COL4A1: variants seen among roughly 807,000 people sequenced by gnomAD.
The protein encoded by COL4A1 is collagen type IV alpha 1 chain.
In COL4A1, 40 loss-of-function variants were observed where a neutral mutation model predicts 216.6. The observed-to-expected ratio is 0.18, with a 90% CI of 0.14 to 0.24. The LOEUF is 0.24. Among genes scored for constraint, COL4A1 ranks in the 10% least tolerant of loss-of-function variants. The probability of loss-of-function intolerance (pLI) is 1.00; values close to 1 mark genes in which losing one functional copy is unlikely to be tolerated. For synonymous variants in COL4A1, 839 were observed against 810.7 expected (o/e 1.03, Z -0.59); for missense variants, 1,628 against 2,196.8 (o/e 0.74, Z 5.18).
chr13:110,229,803 G>A (rs903976557), intron 2 of COL4A1, among the ~76,000 whole-genome samples: 8 of 152,206 alleles, frequency 5.3e-5, no homozygotes, highest in Admixed American at 4.6e-4. Flanking sequence ...CCAGTCTGTG[G>A]TATCCTATTA....
chr13:110,245,523 T>C lies in COL4A1; in HGVS notation c.85-2789A>G, dbSNP rs534753783. ...TGTGGATTTTCGACTTGTGAGTCAA[T>C]TGCTGCTTTCTGGGAAAGAGCAGAT... On this transcript the variant is annotated intron_variant, in intron 1 of 51. Transcript: ENST00000375820. Among the ~76,000 whole-genome samples the C allele has an allele frequency of 3.5e-3, 536 of 152,296 alleles. 4 individuals carry two copies. Among genetic ancestry groups the C allele is most frequent in the African/African-American group, 0.012 (514 of 41,564 alleles).
intron 40 of COL4A1, among the ~76,000 whole-genome samples, chr13:110,173,214 A>G (rs1188770673): frequency 6.6e-6 from 1 of 152,164 alleles, no homozygotes; most frequent in Non-Finnish European, 1.5e-5. Flanking sequence ...AAAGGAGTGC[A>G]GGGGTATTTT....
chr13:110,272,082 G>C (rs1883264374), intron 1 of COL4A1, among the ~76,000 whole-genome samples: 1 of 152,148 alleles, frequency 6.6e-6, no homozygotes, highest in Non-Finnish European at 1.5e-5. Flanking sequence ...AATTAGGCCA[G>C]AAATTTCTGG....
chr13:110,230,297 T>C (rs1352353723), intron 2 of COL4A1, among the ~76,000 whole-genome samples: 1 of 151,870 alleles, frequency 6.6e-6, no homozygotes, highest in Non-Finnish European at 1.5e-5. Context: ...TATGTATGTG[T>C]GTGGTGTGTG....
At position 110,209,424 on chromosome 13, in the gene COL4A1, G is replaced by C. The variant is rs181845921; in HGVS notation, c.619C>G (p.Pro207Ala). ...GPPGFTGPPG[P>A]PGPPGPPGEK... ...CCTGGAGGGCCGGGAGGGCCTGGGG[G>C]ACCCTGGGAGAGACAGCATTTTAAT... The change falls in exon 11 of 52, where the codon CCC (proline) becomes GCC (alanine). Residue 207 changes from proline to alanine, a missense_variant. By Grantham distance (27) the Pro-to-Ala change is conservative. Coordinates refer to ENST00000375820, the MANE Select transcript of COL4A1 (RefSeq NM_001845.6). 6.2e-7 allele frequency: 1 copy of C among 1,604,466 alleles called. No individual in the cohort carries two copies. Among genetic ancestry groups the C allele is most frequent in the East Asian group, 2.2e-5 (1 of 44,844 alleles).
chr13:110,244,493 A>G (rs1345797792), intron 1 of COL4A1, among the ~76,000 whole-genome samples: 1 of 152,184 alleles, frequency 6.6e-6, no homozygotes, highest in African/African-American at 2.4e-5. Context: ...AGAGGCATCC[A>G]AAGAGATGAG....
intron 4 of COL4A1, among the ~76,000 whole-genome samples, 182 bp downstream of exon 4, chr13:110,213,600 G>C (rs1476318306): frequency 1.3e-5 from 2 of 152,186 alleles, no homozygotes; most frequent in Admixed American, 1.3e-4. Context: ...GGAAGGACTG[G>C]GGCTCAGGGA....
intron 29 of COL4A1, among the ~76,000 whole-genome samples, chr13:110,179,640 A>G (rs747783834): frequency 2.6e-5 from 4 of 152,046 alleles, no homozygotes; most frequent in Non-Finnish European, 4.4e-5. Context: ...CATTGTTTTC[A>G]TTTTACAAAG....
At chr13:110,172,140 C>T (rs1877673572) in intron 41 of COL4A1, among the ~76,000 whole-genome samples, 1 of 152,234 alleles carries the variant, frequency 6.6e-6, no homozygotes, top group South Asian at 2.1e-4. Context: ...CCCATGGATG[C>T]TGTGTGTGAG....
intron 1 of COL4A1, among the ~76,000 whole-genome samples, chr13:110,248,690 C>T (rs1406980282): frequency 1.3e-5 from 2 of 152,166 alleles, no homozygotes; most frequent in Non-Finnish European, 2.9e-5. Flanking sequence ...GATGGGATTT[C>T]GCCATGTTGG....
At position 110,203,557 on chromosome 13, in the gene COL4A1, C is replaced by A; in HGVS notation, c.999+9G>T. 1 of 1,613,812 alleles carries A rather than the reference C, an allele frequency of 6.2e-7. No homozygotes were observed. The highest frequency in any genetic ancestry group is 8.5e-7 in the Non-Finnish European group (1 of 1,180,018). On this transcript the variant is annotated intron_variant, in intron 18 of 51. Coordinates refer to ENST00000375820, the MANE Select transcript of COL4A1 (RefSeq NM_001845.6). ...CTCTCACAGACCCAGGGACAGCACT[C>A]TTACTCACAATTCCAGGTGGGCCAG...
At chr13:110,167,311 G>A in intron 43 of COL4A1, 81 bp from the exon 44 acceptor site, 1 of 1,036,378 alleles carries the variant, frequency 9.6e-7, no homozygotes, top group Non-Finnish European at 1.5e-6. Context: ...TTGGAAAATG[G>A]AAACAGCCCC....
chr13:110,260,899 C>T (rs1171892058), intron 1 of COL4A1, among the ~76,000 whole-genome samples: 10 of 151,804 alleles, frequency 6.6e-5, no homozygotes, highest in South Asian at 4.2e-4. Flanking sequence ...TAGCTGGGTG[C>T]GGTGGAGGGC....
intron 2 of COL4A1, among the ~76,000 whole-genome samples, chr13:110,222,797 A>AAAAAAATAC (rs1880565935): frequency 6.7e-6 from 1 of 149,754 alleles, no homozygotes; most frequent in East Asian, 2.0e-4. Flanking sequence ...AAAAAAAAAA[A>AAAAAAATAC]AGAATTAAGG....
chr13:110,236,522 AAGATGC>A (rs1240506655), intron 2 of COL4A1, among the ~76,000 whole-genome samples: 1 of 152,210 alleles, frequency 6.6e-6, no homozygotes, highest in African/African-American at 2.4e-5. Flanking sequence ...AAGGGAAAAG[AAGATGC>A]CTCTTCCAGA....
intron 1 of COL4A1, among the ~76,000 whole-genome samples, chr13:110,257,190 C>A (rs1311437568): frequency 1.3e-5 from 2 of 152,186 alleles, no homozygotes; most frequent in Non-Finnish European, 2.9e-5. Flanking sequence ...ATCTTTAAAA[C>A]CAGGTTTGAA....
intron 46 of COL4A1, 105 bp downstream of exon 46, chr13:110,164,757 T>C: frequency 6.7e-7 from 1 of 1,493,478 alleles, no homozygotes. Flanking sequence ...TGTGTGTGTA[T>C]AATCATTACC....
chr13:110,238,173 T>C (rs1473347461), intron 2 of COL4A1, among the ~76,000 whole-genome samples: 2 of 152,236 alleles, frequency 1.3e-5, no homozygotes, highest in Non-Finnish European at 2.9e-5. Flanking sequence ...CTTCTCTATA[T>C]CTTTGCTGAG....
Position 110,163,497 on chromosome 13 carries a change from G to A in COL4A1, c.4215C>T (p.Gly1405=). The change falls in exon 47 of 52, where the codon GGC becomes GGT. Residue 1405 remains glycine (G), a synonymous_variant. Coordinates refer to ENST00000375820, the MANE Select transcript of COL4A1 (RefSeq NM_001845.6). ...PGIPGFDGAP[G]QKGEMGPAGP... Reference sequence around the variant, plus strand: ...CGGCAGGTCCCATCTCTCCTTTCTGGCCAGGGGCACCGTCAAACCCAGGAA... The same window carrying A: ...CGGCAGGTCCCATCTCTCCTTTCTGACCAGGGGCACCGTCAAACCCAGGAA... The A allele has an allele frequency of 1.9e-6, 3 of 1,614,042 alleles. No homozygotes were observed. Among genetic ancestry groups the A allele is most frequent in the Non-Finnish European group, 2.5e-6 (3 of 1,180,014 alleles).
Sources: gnomAD v4.1 joint callset for allele counts (sites outside exome capture counted in the v4.1 genomes callset) on GRCh38, gnomAD v4.1.1 for gene constraint, MANE v1.5 for transcripts, NCBI Gene and HGNC (gene_info 2026-07-23, HGNC 2026-07-21) for gene names.